Variants in MAST4 observed in about 807,000 individuals in gnomAD.
MAST4 encodes the protein microtubule associated serine/threonine kinase family member 4.
Under a neutral mutation model 162.7 loss-of-function variants are expected in MAST4, and 89 were observed. That is an observed-to-expected ratio of 0.55 (90% CI 0.46 to 0.65). The LOEUF is 0.65. Among genes scored for constraint, MAST4 ranks in the 30% least tolerant of loss-of-function variants. The pLI is 0.00. For missense variants in MAST4, 3,153 were observed against 3,374.0 expected, an observed-to-expected ratio of 0.93 and a Z score of 1.62; for synonymous variants, 1,479 against 1,361.1, an observed-to-expected ratio of 1.09 and a Z score of -1.91.
In MAST4 at chr5:66,775,987, A is replaced by G. The variant is rs561955349; in HGVS notation, c.518-12683A>G. On this transcript the variant is annotated intron_variant, in intron 2 of 28. Transcript: ENST00000403625. ...GAGAAAGAATTTGAAATCTACTGGAATAGACCTAGCAGGAACTAGAAAGTG... is the reference window on the plus strand; with the variant it reads ...GAGAAAGAATTTGAAATCTACTGGAGTAGACCTAGCAGGAACTAGAAAGTG... 9.2e-5 allele frequency among the ~76,000 whole-genome samples: 14 copies of G among 152,360 alleles called. No homozygotes were observed. In the South Asian group the frequency reaches 1.0e-3, roughly 11 times the overall value.
chr5:66,643,156 C>T (rs1007263262), intron 1 of MAST4, among the ~76,000 whole-genome samples: 7 of 152,116 alleles, frequency 4.6e-5, no homozygotes, highest in Non-Finnish European at 1.0e-4. Flanking sequence ...AACATAAAAG[C>T]TACTTGCAGG....
chr5:67,097,233 TG>T (rs920762501), intron 7 of MAST4, among the ~76,000 whole-genome samples: 76 of 152,272 alleles, frequency 5.0e-4, no homozygotes, highest in African/African-American at 1.8e-3. Context: ...AATCAGACCC[TG>T]TTTGGTACAA....
intron 5 of MAST4, among the ~76,000 whole-genome samples, chr5:67,061,339 A>G (rs1759571258): frequency 6.6e-6 from 1 of 152,098 alleles, no homozygotes. Context: ...CATTTTCCAT[A>G]CTCATTAACC....
At position 66,885,809 on chromosome 5, in the gene MAST4, AC is replaced by A. The variant is rs932406593; in HGVS notation, c.643-14140del. ...GCGCTGAAGATACATCAGCATAACT[AC>A]CTATTACGTAGATGAGTAATTTATA... On this transcript the variant is annotated intron_variant, in intron 3 of 28. Coordinates refer to ENST00000403625, the MANE Select transcript of MAST4 (RefSeq NM_001164664.2). Among the ~76,000 whole-genome samples the A allele has an allele frequency of 7.6e-4, 115 of 152,300 alleles. 1 individual carries two copies. Among genetic ancestry groups the A allele is most frequent in the African/African-American group, 2.7e-3 (111 of 41,574 alleles).
chr5:67,140,241 C>G (rs779275385), intron 19 of MAST4, among the ~76,000 whole-genome samples: 2 of 152,210 alleles, frequency 1.3e-5, no homozygotes, highest in Admixed American at 6.5e-5. Context: ...CTTTCCCTAC[C>G]CAACACCCGC....
intron 1 of MAST4, among the ~76,000 whole-genome samples, chr5:66,749,354 A>G (rs1169313364): frequency 6.6e-6 from 1 of 152,140 alleles, no homozygotes; most frequent in Non-Finnish European, 1.5e-5. Context: ...CATGCCAAAA[A>G]CATAGCTACA....
chr5:67,102,513 A>T, intron 8 of MAST4, 23 bp from the exon 9 acceptor site: 1 of 1,609,050 alleles, frequency 6.2e-7, no homozygotes, highest in Non-Finnish European at 8.5e-7. Flanking sequence ...CAAGTTTAAA[A>T]GGGTAATTTG....
chr5:66,781,906 C>A (rs566227964), intron 2 of MAST4, among the ~76,000 whole-genome samples: 6 of 152,208 alleles, frequency 3.9e-5, no homozygotes, highest in Non-Finnish European at 8.8e-5. Flanking sequence ...TTATTTAATT[C>A]TTTATATGGC....
chr5:66,631,133 T>C (rs146814425), intron 1 of MAST4, among the ~76,000 whole-genome samples: 125 of 152,326 alleles, frequency 8.2e-4, no homozygotes, highest in African/African-American at 2.8e-3. Flanking sequence ...TCAAATTAGT[T>C]AGTATTGTGG....
chr5:66,712,909 A>C (rs1002272181), intron 1 of MAST4, among the ~76,000 whole-genome samples: 30 of 152,218 alleles, frequency 2.0e-4, no homozygotes, highest in Non-Finnish European at 1.3e-4. Context: ...GCAGTATTGC[A>C]ATCTTAAATT....
At chr5:67,045,126 C>T (rs1757212769) in intron 4 of MAST4, among the ~76,000 whole-genome samples, 1 of 152,210 alleles carries the variant, frequency 6.6e-6, no homozygotes, top group Non-Finnish European at 1.5e-5. Context: ...CACATTTAGC[C>T]AGTCATTCAA....
At chr5:66,707,017 G>A (rs527970256) in intron 1 of MAST4, among the ~76,000 whole-genome samples, 28 of 150,186 alleles carry the variant, frequency 1.9e-4, no homozygotes, top group Non-Finnish European at 2.7e-4. Flanking sequence ...AGGAACTTTC[G>A]AAGCTTTGTG....
chr5:67,092,552 T>G (rs1041267708), intron 6 of MAST4, among the ~76,000 whole-genome samples: 9 of 152,232 alleles, frequency 5.9e-5, no homozygotes, highest in Non-Finnish European at 8.8e-5. Context: ...ACCTACTTAA[T>G]CCTTTTTTCC....
intron 4 of MAST4, among the ~76,000 whole-genome samples, chr5:67,019,961 C>A (rs899349724): frequency 1.3e-5 from 2 of 152,170 alleles, no homozygotes; most frequent in Admixed American, 6.5e-5. Context: ...GGTCTGGGAA[C>A]CTTGTCTTCA....
intron 15 of MAST4, among the ~76,000 whole-genome samples, chr5:67,131,208 C>T (rs76611740): frequency 5.9e-5 from 9 of 152,082 alleles, no homozygotes; most frequent in Non-Finnish European, 1.3e-4. Context: ...TATTTTCACC[C>T]AGTGTCCTTT....
intron 16 of MAST4, among the ~76,000 whole-genome samples, chr5:67,132,370 C>T (rs1300144818): frequency 6.6e-6 from 1 of 151,886 alleles, no homozygotes; most frequent in African/African-American, 2.4e-5. Context: ...TTATCAGCAA[C>T]AAGAGAAAAA....
chr5:66,607,112 A>G (rs1742945758), intron 1 of MAST4, among the ~76,000 whole-genome samples: 1 of 152,202 alleles, frequency 6.6e-6, no homozygotes, highest in African/African-American at 2.4e-5. Context: ...GTAGGGAGAT[A>G]CTGGGACAAG....
At chr5:67,004,737 A>G in intron 4 of MAST4, 1 of 448,478 alleles carries the variant, frequency 2.2e-6, no homozygotes, top group Non-Finnish European at 4.1e-6. Context: ...GAGAGGGCAG[A>G]CCCGAGAGGA....
chr5:66,614,415 A>G (rs1743506482), intron 1 of MAST4, among the ~76,000 whole-genome samples: 1 of 152,216 alleles, frequency 6.6e-6, no homozygotes, highest in Admixed American at 6.5e-5. Flanking sequence ...AACCTAGTAC[A>G]TGCATGAAAT....
Sources: gnomAD v4.1 joint callset for allele counts (sites outside exome capture counted in the v4.1 genomes callset) on GRCh38, gnomAD v4.1.1 for gene constraint, MANE v1.5 for transcripts, NCBI Gene and HGNC (gene_info 2026-07-23, HGNC 2026-07-21) for gene names.